The following CAMK1D variants were observed in gnomAD, a reference collection of about 807,000 sequenced individuals.
CAMK1D encodes calcium/calmodulin dependent protein kinase ID.
CAMK1D carries 9 observed loss-of-function variants against 47.7 expected under a neutral mutation model. The observed-to-expected ratio is 0.19, with a 90% CI of 0.11 to 0.33. The LOEUF is 0.33. Among genes scored for constraint, CAMK1D ranks in the 10% least tolerant of loss-of-function variants. The probability of loss-of-function intolerance (pLI) is 1.00; values close to 1 mark genes in which losing one functional copy is unlikely to be tolerated. For synonymous variants in CAMK1D, 184 were observed against 184.9 expected, an observed-to-expected ratio of 0.99 and a Z score of 0.04; for missense variants, 291 against 488.7, an observed-to-expected ratio of 0.60 and a Z score of 3.81.
At chr10:12,395,244 A>T (rs1486196497) in intron 1 of CAMK1D, among the ~76,000 whole-genome samples, 1 of 149,926 alleles carries the variant, frequency 6.7e-6, no homozygotes, top group Non-Finnish European at 1.5e-5. Context: ...TTTTTAATTA[A>T]TTTTTTTTTG....
chr10:12,728,474 C>T (rs1435667196), intron 3 of CAMK1D, among the ~76,000 whole-genome samples: 1 of 152,192 alleles, frequency 6.6e-6, no homozygotes, highest in Non-Finnish European at 1.5e-5. Flanking sequence ...CGTTATTGTG[C>T]ACTGGCATCG....
At chr10:12,408,848 C>CTTTTTTTTTTTT (rs113921067) in intron 1 of CAMK1D, among the ~76,000 whole-genome samples, 54 of 121,846 alleles carry the variant, frequency 4.4e-4, no homozygotes, top group Non-Finnish European at 5.0e-4. Flanking sequence ...TTCTTTCTTT[C>CTTTTTTTTTTTT]TTTTTTTTTT....
chr10:12,580,412 G>A (rs1028566458), intron 2 of CAMK1D, among the ~76,000 whole-genome samples: 3 of 149,252 alleles, frequency 2.0e-5, no homozygotes, highest in East Asian at 4.0e-4. Context: ...CTTGTCTCCC[G>A]GGTGACAGTA....
intron 2 of CAMK1D, among the ~76,000 whole-genome samples, chr10:12,596,811 C>G (rs542526381): frequency 1.3e-5 from 2 of 152,112 alleles, no homozygotes; most frequent in South Asian, 4.2e-4. Context: ...CCTCCAGTCC[C>G]CCTTTCCCAC....
chr10:12,442,749 A>G (rs1832818753), intron 1 of CAMK1D, among the ~76,000 whole-genome samples: 1 of 152,160 alleles, frequency 6.6e-6, no homozygotes, highest in African/African-American at 2.4e-5. Context: ...CTTTCCTAAG[A>G]AGGAAAGGAT....
chr10:12,653,901 A>T (rs576866785), intron 2 of CAMK1D, among the ~76,000 whole-genome samples: 1 of 152,332 alleles, frequency 6.6e-6, no homozygotes, highest in East Asian at 1.9e-4. Flanking sequence ...CAATTTCAGT[A>T]GGTGCTATTC....
intron 10 of CAMK1D, chr10:12,826,026 A>G: frequency 1.2e-5 from 3 of 259,142 alleles, no homozygotes; most frequent in Non-Finnish European, 2.2e-5. Flanking sequence ...AATGTCAGCT[A>G]CTTGGGAGGC....
At chr10:12,780,304 A>G (rs1837439832) in intron 5 of CAMK1D, among the ~76,000 whole-genome samples, 1 of 152,164 alleles carries the variant, frequency 6.6e-6, no homozygotes, top group African/African-American at 2.4e-5. Flanking sequence ...TCTGTCTGCC[A>G]TTGATTAGAT....
At chr10:12,464,807 T>A (rs535031113) in intron 1 of CAMK1D, among the ~76,000 whole-genome samples, 79 of 105,412 alleles carry the variant, frequency 7.5e-4, no homozygotes, top group African/African-American at 3.1e-3. Flanking sequence ...AGAGCGAGAC[T>A]CCATCTTAAA....
At chr10:12,363,007 C>G (rs184479691) in intron 1 of CAMK1D, among the ~76,000 whole-genome samples, 236 of 144,244 alleles carry the variant, frequency 1.6e-3, no homozygotes, top group African/African-American at 5.7e-3. Flanking sequence ...GTGGTGCGAT[C>G]TTGGCTCACT....
chr10:12,820,854 TG>T (rs1211689927), intron 8 of CAMK1D, among the ~76,000 whole-genome samples: 2 of 152,144 alleles, frequency 1.3e-5, no homozygotes, highest in African/African-American at 4.8e-5. Context: ...TGCCGACTGA[TG>T]GCCACAGTGT....
chr10:12,786,860 C>G (rs1025265980), intron 5 of CAMK1D, among the ~76,000 whole-genome samples: 3 of 152,226 alleles, frequency 2.0e-5, no homozygotes, highest in African/African-American at 7.2e-5. Context: ...TGGTGGCTCA[C>G]GCCTGTAATC....
chr10:12,506,746 C>T (rs1223971712), intron 1 of CAMK1D, among the ~76,000 whole-genome samples: 1 of 152,082 alleles, frequency 6.6e-6, no homozygotes, highest in Non-Finnish European at 1.5e-5. Flanking sequence ...TCTCGGTCTC[C>T]TGACCTCGTG....
chr10:12,835,195 C>G lies in CAMK1D; in HGVS notation c.*6308C>G, dbSNP rs1833485478. ...CTTTTGTCACTACACATAATGTAAT[C>G]TCCCTTCTTTCAGCTCCCCCAACAG... On this transcript the variant is annotated 3_prime_UTR_variant, in exon 11 of 11. Coordinates refer to ENST00000619168, the MANE Select transcript of CAMK1D (RefSeq NM_153498.4). 1 of 152,212 alleles carries G rather than the reference C, an allele frequency of 6.6e-6. No individual in the cohort carries two copies. The highest frequency in any genetic ancestry group is 2.4e-5 in the African/African-American group (1 of 41,440). The allele number at this position is 152,212 out of a possible 1,614,324, so 9.4% of individuals were successfully genotyped here.
intron 6 of CAMK1D, among the ~76,000 whole-genome samples, chr10:12,811,534 C>G (rs1196556373): frequency 3.9e-5 from 6 of 152,184 alleles, no homozygotes; most frequent in Non-Finnish European, 5.9e-5. Flanking sequence ...TGTCCTTTTC[C>G]TGTGTCCTCA....
intron 1 of CAMK1D, among the ~76,000 whole-genome samples, chr10:12,525,523 A>T (rs532685359): frequency 1.1e-3 from 161 of 152,070 alleles, no homozygotes; most frequent in African/African-American, 3.4e-3. Context: ...GTGAATTTTT[A>T]AAAAAATTTC....
At chr10:12,659,081 C>A (rs1481717319) in intron 2 of CAMK1D, among the ~76,000 whole-genome samples, 12 of 152,152 alleles carry the variant, frequency 7.9e-5, no homozygotes, top group Admixed American at 5.9e-4. Flanking sequence ...GGTCGGAGGC[C>A]CACAGCCTGC....
rs1046297932 is a variant in CAMK1D at position 12,752,093 on chromosome 10, C to G, written c.300-8855C>G. Among the ~76,000 whole-genome samples the G allele has an allele frequency of 3.9e-5, 6 of 152,032 alleles. No individual in the cohort carries two copies. In the South Asian group the frequency reaches 8.3e-4, roughly 21 times the overall value. On this transcript the variant is annotated intron_variant, in intron 3 of 10. Transcript: ENST00000619168. ...GCCTCCCAGGTTTTCAAGCGATTCT[C>G]CCACCTCAGCCTCCCGAGTAGCTGG...
intron 1 of CAMK1D, among the ~76,000 whole-genome samples, chr10:12,523,991 A>G (rs112406453): frequency 0.034 from 5,170 of 151,918 alleles, 191 homozygotes; most frequent in African/African-American, 0.089. Flanking sequence ...TCCCGGGTTC[A>G]CACCATTCTC....
Sources: gnomAD v4.1 joint callset for allele counts (sites outside exome capture counted in the v4.1 genomes callset) on GRCh38, gnomAD v4.1.1 for gene constraint, MANE v1.5 for transcripts, NCBI Gene and HGNC (gene_info 2026-07-23, HGNC 2026-07-21) for gene names.